The following SLC14A2 variants were observed in gnomAD, a reference collection of about 807,000 sequenced individuals.
SLC14A2 encodes the protein urea transporter 2.
A neutral mutation model predicts 104.6 loss-of-function variants in SLC14A2; 91 were observed. The ratio of observed to expected loss-of-function variants is 0.87; its 90% confidence interval spans 0.73 to 1.04. The LOEUF is 1.04. SLC14A2 is among the 50% of genes least tolerant of loss of function. The pLI, the probability that SLC14A2 is intolerant of heterozygous loss-of-function variation, is 0.00. For missense variants in SLC14A2, 1,189 were observed against 1,156.0 expected, an observed-to-expected ratio of 1.03 and a Z score of -0.41; for synonymous variants, 476 against 466.4, an observed-to-expected ratio of 1.02 and a Z score of -0.27.
At chr18:45,409,364 A>G (rs1380606098) in intron 1 of SLC14A2, among the ~76,000 whole-genome samples, 3 of 152,138 alleles carry the variant, frequency 2.0e-5, no homozygotes, top group Non-Finnish European at 4.4e-5. Flanking sequence ...GGTCATGTCA[A>G]TGCCTACGGC....
Position 45,391,592 on chromosome 18 carries a change from T to C in SLC14A2, c.-124-91641T>C, listed in dbSNP as rs2085966389. ...CCACATCCTCTCCAGCACCTGTTGT[T>C]TCCTGACTTTTTAATGATCACCATT... On this transcript the variant is annotated intron_variant, in intron 1 of 20. Coordinates refer to the SLC14A2 transcript ENST00000586448. Among the ~76,000 whole-genome samples the C allele has an allele frequency of 2.6e-5, 4 of 152,158 alleles. No homozygotes were observed. The South Asian group carries it at 8.3e-4, about 31-fold the overall frequency.
intron 1 of SLC14A2, among the ~76,000 whole-genome samples, chr18:45,347,013 A>C (rs2085456322): frequency 7.4e-6 from 1 of 135,144 alleles, no homozygotes; most frequent in African/African-American, 2.9e-5. Flanking sequence ...ATAAATAAAC[A>C]AACAAACAAA....
chr18:45,209,191 A>AAG (rs1568102037), upstream of SLC14A2, among the ~76,000 whole-genome samples: 2 of 150,570 alleles, frequency 1.3e-5, no homozygotes, highest in African/African-American at 4.9e-5. Flanking sequence ...AAAAAAAAAA[A>AAG]AAAAAAAATC....
chr18:45,360,236 G>A (rs1279150036), intron 1 of SLC14A2, among the ~76,000 whole-genome samples: 1 of 152,184 alleles, frequency 6.6e-6, no homozygotes, highest in East Asian at 1.9e-4. Context: ...GGCATTGTTG[G>A]AACCACAGAA....
At chr18:45,261,030 T>A (rs1292850626) in intron 1 of SLC14A2, among the ~76,000 whole-genome samples, 4 of 151,592 alleles carry the variant, frequency 2.6e-5, no homozygotes, top group Non-Finnish European at 4.4e-5. Context: ...TTTTTTTTTT[T>A]AATTTAAGTT....
At chr18:45,567,055 AGT>A (rs3058364) in intron 2 of SLC14A2, among the ~76,000 whole-genome samples, 27,813 of 139,580 alleles carry the variant, frequency 0.2, 3,168 homozygotes, top group Admixed American at 0.29. Context: ...ATGTGCACAT[AGT>A]GTGTGTGTGT....
intron 1 of SLC14A2, among the ~76,000 whole-genome samples, chr18:45,259,136 G>C (rs924810613): frequency 6.6e-6 from 1 of 152,178 alleles, no homozygotes; most frequent in Non-Finnish European, 1.5e-5. Flanking sequence ...GAAAAGAAAG[G>C]GAGGTTTGGA....
intron 4 of SLC14A2, 78 bp from the exon 5 acceptor site, chr18:45,632,272 T>C (rs2045357169): frequency 2.0e-6 from 3 of 1,522,628 alleles, no homozygotes; most frequent in South Asian, 2.5e-5. Context: ...AAATTAAGCA[T>C]ATCCTCAGAG....
In SLC14A2 at chr18:45,236,257, GTATA is replaced by G. The variant is rs1231543642; in HGVS notation, c.-125+23071_-125+23074del. ...TATACATATATGTGTGTATATATGT[GTATA>G]TATACATGTATGTGTGTATATGTGT... is the stretch of plus-strand genomic sequence containing the variant. On this transcript the variant is annotated intron_variant, in intron 1 of 20. Transcript: ENST00000586448. 6.4e-5 allele frequency among the ~76,000 whole-genome samples: 3 copies of G among 47,156 alleles called. 1 individual carries two copies. Among genetic ancestry groups the G allele is most frequent in the Admixed American group, 6.6e-4 (2 of 3,050 alleles). 30.9% of individuals were successfully genotyped at this position (47,156 alleles called of 152,430 possible). A position where few individuals can be genotyped will look rare whatever the true frequency, so the allele number is the denominator to read the frequency against.
At chr18:45,305,013 CT>C (rs1051186402) in intron 1 of SLC14A2, among the ~76,000 whole-genome samples, 14 of 151,832 alleles carry the variant, frequency 9.2e-5, no homozygotes, top group African/African-American at 3.4e-4. Context: ...AAACTACCCC[CT>C]GAGAATCATT....
intron 1 of SLC14A2, among the ~76,000 whole-genome samples, chr18:45,370,772 A>C (rs1214545334): frequency 6.6e-6 from 1 of 152,162 alleles, no homozygotes; most frequent in African/African-American, 2.4e-5. Context: ...AATGCCAGGG[A>C]GTGGGAGAGA....
chr18:45,386,025 GT>G (rs2085892579), intron 1 of SLC14A2, among the ~76,000 whole-genome samples: 1 of 152,164 alleles, frequency 6.6e-6, no homozygotes, highest in African/African-American at 2.4e-5. Context: ...TTTGAAGGTT[GT>G]TTGGGCCAGA....
At chr18:45,549,031 T>A (rs1028615416) in intron 2 of SLC14A2, among the ~76,000 whole-genome samples, 1 of 152,236 alleles carries the variant, frequency 6.6e-6, no homozygotes, top group Middle Eastern at 3.2e-3. Flanking sequence ...CTCACAATAT[T>A]GCCGAAGGCT....
chr18:45,525,279 A>T (rs538398082), intron 2 of SLC14A2, among the ~76,000 whole-genome samples: 9 of 152,350 alleles, frequency 5.9e-5, no homozygotes, highest in African/African-American at 2.2e-4. Flanking sequence ...GCAGTTAATC[A>T]TAAAACTAAG....
chr18:45,275,186 A>T (rs2084689799), intron 1 of SLC14A2, among the ~76,000 whole-genome samples: 1 of 152,216 alleles, frequency 6.6e-6, no homozygotes, highest in East Asian at 1.9e-4. Flanking sequence ...TTATTCGACA[A>T]AAATGAGTAA....
chr18:45,334,713 T>C (rs1055507930), intron 1 of SLC14A2, among the ~76,000 whole-genome samples: 1 of 152,154 alleles, frequency 6.6e-6, no homozygotes, highest in African/African-American at 2.4e-5. Context: ...TGTCCTGGAG[T>C]TGTCCTGAGG....
At chr18:45,184,060 G>A in the SLC14A2 span, among the ~76,000 whole-genome samples, 2 of 151,502 alleles carry the variant, frequency 1.3e-5, no homozygotes, top group African/African-American at 4.9e-5. Context: ...AGCCATCAGG[G>A]TCATTTCTGA....
At chr18:45,493,242 T>C (rs2043033101) in intron 2 of SLC14A2, 1 of 152,222 alleles carries the variant, frequency 6.6e-6, no homozygotes, top group South Asian at 2.1e-4. Context: ...CCTAATGATT[T>C]GCAACTTGTT....
At chr18:45,381,887 T>A (rs1007889361) in intron 1 of SLC14A2, among the ~76,000 whole-genome samples, 1 of 151,932 alleles carries the variant, frequency 6.6e-6, no homozygotes, top group African/African-American at 2.4e-5. Flanking sequence ...CCATTTTACA[T>A]GCAGTCCAGT....
Sources: gnomAD v4.1 joint callset for allele counts (sites outside exome capture counted in the v4.1 genomes callset) on GRCh38, gnomAD v4.1.1 for gene constraint, MANE v1.5 for transcripts, NCBI Gene and HGNC (gene_info 2026-07-23, HGNC 2026-07-21) for gene names.